TNFRSF11B: variants seen among roughly 807,000 people sequenced by gnomAD.
TNFRSF11B encodes the protein TNF receptor superfamily member 11b, also known as tumor necrosis factor receptor superfamily member 11B.
A neutral mutation model predicts 43.4 loss-of-function variants in TNFRSF11B; 16 were observed. That is an observed-to-expected ratio of 0.37 (90% confidence interval 0.25 to 0.56). The LOEUF (loss-of-function observed/expected upper bound fraction) is 0.56, where lower values mean the gene tolerates loss of function less well. TNFRSF11B is among the 20% of genes least tolerant of loss of function. The pLI is 0.80. For synonymous variants in TNFRSF11B, 185 were observed against 181.8 expected (o/e 1.02, Z -0.14); for missense variants, 444 against 490.1 (o/e 0.91, Z 0.89).
intron 1 of TNFRSF11B, 113 bp downstream of exon 1, chr8:118,951,679 C>T (rs1276649228): frequency 5.6e-6 from 6 of 1,070,870 alleles, no homozygotes. Flanking sequence ...CAAGCCTCTC[C>T]TGGGAGGGAG....
In TNFRSF11B at chr8:118,924,091, G is replaced by GT. The variant is rs112977670; in HGVS notation, c.*282dup. ...ATTTAGTAAGGCACAATGGAGTCTA[G>GT]TTTTTTTTTTTTAATTTCCAGTTGA... On this transcript the variant is annotated 3_prime_UTR_variant, in exon 5 of 5. Transcript: ENST00000297350. 0.088 allele frequency: 24,107 copies of GT among 272,576 alleles called. 82 individuals carry two copies. The highest frequency in any genetic ancestry group is 0.13 in the South Asian group (2,312 of 18,018). The allele number at this position is 272,576 out of a possible 1,614,324, so 16.9% of individuals were successfully genotyped here.
intron 4 of TNFRSF11B, among the ~76,000 whole-genome samples, chr8:118,925,068 T>C (rs1812230010): frequency 6.6e-6 from 1 of 152,200 alleles, no homozygotes; most frequent in Admixed American, 6.5e-5. Flanking sequence ...TAAGAAAAAG[T>C]TTGAGAAATT....
intron 1 of TNFRSF11B, among the ~76,000 whole-genome samples, chr8:118,947,221 AG>A (rs1812577028): frequency 3.3e-5 from 1 of 30,052 alleles, no homozygotes; most frequent in African/African-American, 3.6e-4. Context: ...TCTGGCAGTA[AG>A]CTAAATTCTG....
chr8:118,932,363 G>T (rs1034806489), intron 2 of TNFRSF11B, among the ~76,000 whole-genome samples: 28 of 152,148 alleles, frequency 1.8e-4, no homozygotes, highest in African/African-American at 6.8e-4. Flanking sequence ...TCATTGAAGA[G>T]ATTCTGCTAT....
At chr8:118,944,922 T>A (rs896953539) in intron 1 of TNFRSF11B, among the ~76,000 whole-genome samples, 21 of 152,166 alleles carry the variant, frequency 1.4e-4, no homozygotes, top group African/African-American at 4.8e-4. Flanking sequence ...TGAACCTGGC[T>A]TTTAACTAAA....
chr8:118,924,809 A>G, intron 4 of TNFRSF11B, 47 bp from the exon 5 acceptor site: 1 of 1,611,530 alleles, frequency 6.2e-7, no homozygotes, highest in African/African-American at 1.3e-5. Flanking sequence ...ATTTATATTC[A>G]TCCAATGCCA....
In TNFRSF11B at chr8:118,924,427, A is replaced by G. The variant is rs764803075; in HGVS notation, c.1153T>C (p.Phe385Leu). The G allele has an allele frequency of 3.1e-6, 5 of 1,614,214 alleles. No individual in the cohort carries two copies. In the South Asian group the frequency reaches 5.5e-5, roughly 18 times the overall value. Residue 385 changes from phenylalanine to leucine, a missense_variant, in exon 5 of 5, where the codon TTT becomes CTT. Phe to Leu is a conservative substitution (Grantham distance 22). Coordinates refer to ENST00000297350, the MANE Select transcript of TNFRSF11B (RefSeq NM_002546.4). ...FTMYKLYQKL[F>L]LEMIGNQVQS... ...ACCTGGTTACCTATCATTTCTAAAA[A>G]TAACTTCTGATACAATTTGTACATT...
At chr8:118,936,447 A>T (rs1015302540) in intron 1 of TNFRSF11B, among the ~76,000 whole-genome samples, 7 of 152,170 alleles carry the variant, frequency 4.6e-5, no homozygotes, top group African/African-American at 1.7e-4. Context: ...ATTCCCACAC[A>T]GAATTTCTGG....
intron 2 of TNFRSF11B, chr8:118,930,403 T>TG (rs1812309729): frequency 2.6e-5 from 4 of 151,934 alleles, no homozygotes; most frequent in South Asian, 2.0e-4. Context: ...AGAATCTTTT[T>TG]TGGGGGGAAG....
At chr8:118,936,895 G>A (rs1237207891) in intron 1 of TNFRSF11B, among the ~76,000 whole-genome samples, 1 of 152,108 alleles carries the variant, frequency 6.6e-6, no homozygotes, top group Non-Finnish European at 1.5e-5. Flanking sequence ...TTTTCTTTCT[G>A]TGTTCTTTCT....
rs1434312349 is a variant in TNFRSF11B at position 118,933,228 on chromosome 8, T to C, written c.103A>G (p.Thr35Ala). 1 of 1,614,086 alleles carries C rather than the reference T, an allele frequency of 6.2e-7. No homozygotes were observed. Among genetic ancestry groups the C allele is most frequent in the Admixed American group, 1.7e-5 (1 of 60,008 alleles). The change falls in exon 2 of 5, where the codon ACC (threonine) becomes GCC (alanine). Residue 35 changes from threonine to alanine, a missense_variant. Physicochemically the swap from Thr to Ala is moderately conservative, Grantham distance 58. Transcript: ENST00000297350. ...TTGTCACACAACAGCTGATGAGAGG[T>C]TTCTTCGTCATAATGAAGGTACTTT... is the stretch of plus-strand genomic sequence containing the variant. Reference protein sequence around the residue: ...PPKYLHYDEETSHQLLCDKCP... With the variant: ...PPKYLHYDEEASHQLLCDKCP...
rs1157230657 is a variant in TNFRSF11B at position 118,924,751 on chromosome 8, A to G, written c.829T>C (p.Cys277Arg). ...VKKIIQDIDLCENSVQRHIGH... is the reference protein window; with the variant it reads ...VKKIIQDIDLRENSVQRHIGH... ...ATGTGCCGCTGCACGCTGTTTTCAC[A>G]GAGGTCAATATCTGCATAAAGCAAA... Residue 277 changes from cysteine to arginine, a missense_variant, in exon 5 of 5, where the codon TGT becomes CGT. By Grantham distance (180) the Cys-to-Arg change is radical. Coordinates refer to ENST00000297350, the MANE Select transcript of TNFRSF11B (RefSeq NM_002546.4). The G allele has an allele frequency of 1.9e-6, 3 of 1,614,176 alleles. No individual in the cohort carries two copies. The highest frequency in any genetic ancestry group is 2.5e-6 in the Non-Finnish European group (3 of 1,180,032).
chr8:118,935,433 C>T (rs568649481), intron 1 of TNFRSF11B, among the ~76,000 whole-genome samples: 13 of 151,998 alleles, frequency 8.6e-5, no homozygotes, highest in African/African-American at 2.9e-4. Context: ...TGAGTGAGCA[C>T]GCAGACAATA....
chr8:118,930,929 A>T (rs1465956695), intron 2 of TNFRSF11B, among the ~76,000 whole-genome samples: 1 of 152,198 alleles, frequency 6.6e-6, no homozygotes, highest in Non-Finnish European at 1.5e-5. Flanking sequence ...TTCCCTCTAT[A>T]ACTGATGGTA....
rs1287083140 is a variant in TNFRSF11B, at chr8:118,928,935, G to A, written c.401-6C>T. ...TGTATTTCGCTCTGGGGTTCCTACAGAAAATACCAAGCAATTTAGTACCTT... is the reference window on the plus strand; with the variant it reads ...TGTATTTCGCTCTGGGGTTCCTACAAAAAATACCAAGCAATTTAGTACCTT... On this transcript the variant is annotated splice_region_variant and splice_polypyrimidine_tract_variant and intron_variant, in intron 2 of 4. Transcript: ENST00000297350. The A allele has an allele frequency of 6.2e-7, 1 of 1,613,808 alleles. No individual in the cohort carries two copies. The highest frequency in any genetic ancestry group is 8.5e-7 in the Non-Finnish European group (1 of 1,179,910).
chr8:118,931,069 G>C (rs1207509397), intron 2 of TNFRSF11B, among the ~76,000 whole-genome samples: 3 of 152,180 alleles, frequency 2.0e-5, no homozygotes, highest in Non-Finnish European at 4.4e-5. Flanking sequence ...CTTTACAGTT[G>C]AGAATTCACC....
At chr8:118,925,606 C>G (rs1397658892) in intron 4 of TNFRSF11B, among the ~76,000 whole-genome samples, 1 of 152,160 alleles carries the variant, frequency 6.6e-6, no homozygotes, top group African/African-American at 2.4e-5. Flanking sequence ...ATCTGTTGCC[C>G]CGGTTTCAGA....
intron 1 of TNFRSF11B, among the ~76,000 whole-genome samples, chr8:118,934,221 T>A (rs1033711923): frequency 4.6e-5 from 7 of 152,184 alleles, no homozygotes; most frequent in African/African-American, 1.7e-4. Context: ...GCAACAGATA[T>A]AGGTTGAATG....
chr8:118,930,212 C>T (rs1235547301), intron 2 of TNFRSF11B, among the ~76,000 whole-genome samples: 3 of 152,162 alleles, frequency 2.0e-5, no homozygotes, highest in Non-Finnish European at 4.4e-5. Context: ...TAGTACTTTC[C>T]TACTACATCC....
Sources: gnomAD v4.1 joint callset for allele counts (sites outside exome capture counted in the v4.1 genomes callset) on GRCh38, gnomAD v4.1.1 for gene constraint, MANE v1.5 for transcripts, NCBI Gene and HGNC (gene_info 2026-07-23, HGNC 2026-07-21) for gene names.